Variants in ACVR2A observed in about 807,000 individuals in gnomAD.
ACVR2A encodes activin receptor type-2A.
Under a neutral mutation model 61.4 loss-of-function variants are expected in ACVR2A, and 7 were observed. The ratio of observed to expected loss-of-function variants is 0.11; its 90% CI spans 0.06 to 0.21. The LOEUF is 0.21. Among genes scored for constraint, ACVR2A ranks in the 10% least tolerant of loss-of-function variants. The pLI is 1.00. For synonymous variants in ACVR2A, 193 were observed against 208.3 expected (o/e 0.93, Z 0.63); for missense variants, 322 against 621.7 (o/e 0.52, Z 5.13).
At chr2:147,904,919 T>C (rs1292183369) in intron 4 of ACVR2A, among the ~76,000 whole-genome samples, 6 of 152,062 alleles carry the variant, frequency 3.9e-5, no homozygotes, top group Admixed American at 2.6e-4. Flanking sequence ...TTACAAAATA[T>C]TACATTCATA....
chr2:147,884,083 AT>A (rs1558802190), intron 1 of ACVR2A, among the ~76,000 whole-genome samples: 1 of 152,006 alleles, frequency 6.6e-6, no homozygotes, highest in African/African-American at 2.4e-5. Context: ...TGTTTCCTTA[AT>A]TTTTTTAGAA....
intron 9 of ACVR2A, among the ~76,000 whole-genome samples, chr2:147,924,800 G>C (rs1045818756): frequency 1.3e-5 from 2 of 151,842 alleles, no homozygotes; most frequent in African/African-American, 2.4e-5. Context: ...GACTCAGTAG[G>C]TCTGGGTTGA....
In ACVR2A at chr2:147,896,325, C is replaced by T. The variant is rs749005993; in HGVS notation, c.80C>T (p.Thr27Ile). ...GGTGCTATACTTGGTAGATCAGAAA[C>T]TCAGGAGTGTCTTTTCTTTAATGCT... Reference protein sequence around the residue: ...SSGAILGRSETQECLFFNANW... With the variant: ...SSGAILGRSEIQECLFFNANW... The change falls in exon 2 of 11, where the codon ACT (threonine) becomes ATT (isoleucine). Residue 27 changes from threonine to isoleucine, a missense_variant. Around this residue, in one of 3 missense-constraint regions of ACVR2A, gnomAD observed 142 missense variants for 200.3 expected, o/e 0.71. Transcript: ENST00000241416. The T allele has an allele frequency of 6.2e-7, 1 of 1,613,702 alleles. No homozygotes were observed. Among genetic ancestry groups the T allele is most frequent in the Non-Finnish European group, 8.5e-7 (1 of 1,179,798 alleles).
intron 1 of ACVR2A, among the ~76,000 whole-genome samples, chr2:147,862,674 A>G (rs957313141): frequency 4.6e-5 from 7 of 151,554 alleles, no homozygotes; most frequent in Middle Eastern, 6.8e-3. Context: ...AACCCATGAG[A>G]CGGATGTTGC....
At chr2:147,889,019 A>C (rs1322094153) in intron 1 of ACVR2A, among the ~76,000 whole-genome samples, 1 of 150,716 alleles carries the variant, frequency 6.6e-6, no homozygotes, top group African/African-American at 2.4e-5. Context: ...TTTATTGTGA[A>C]TAATATTCAA....
intron 1 of ACVR2A, among the ~76,000 whole-genome samples, chr2:147,855,505 G>T (rs115418286): frequency 0.034 from 5,157 of 152,306 alleles, 119 homozygotes; most frequent in Middle Eastern, 0.088. Flanking sequence ...CATACTGGAA[G>T]AGTGTAGGAG....
intron 8 of ACVR2A, 21 bp from the exon 9 acceptor site, chr2:147,922,952 T>C: frequency 6.3e-7 from 1 of 1,595,690 alleles, no homozygotes. Context: ...GAGTACTCTT[T>C]GCTTTTAACA....
At chr2:147,872,149 C>G (rs1686036101) in intron 1 of ACVR2A, among the ~76,000 whole-genome samples, 1 of 152,012 alleles carries the variant, frequency 6.6e-6, no homozygotes, top group South Asian at 2.1e-4. Context: ...TGATTGATAG[C>G]TCACTTCTTA....
At chr2:147,889,307 G>A (rs780894170) in intron 1 of ACVR2A, among the ~76,000 whole-genome samples, 20 of 152,066 alleles carry the variant, frequency 1.3e-4, no homozygotes, top group African/African-American at 1.9e-4. Flanking sequence ...AGATGATACT[G>A]GTCTCATAAA....
intron 1 of ACVR2A, among the ~76,000 whole-genome samples, chr2:147,887,717 G>A (rs1392817341): frequency 6.6e-6 from 1 of 152,120 alleles, no homozygotes; most frequent in Non-Finnish European, 1.5e-5. Flanking sequence ...CACATATGCA[G>A]TACTTATTTT....
rs1235394243 is a variant in ACVR2A, at chr2:147,845,358, C to G, written c.55+151C>G. 1.3e-5 allele frequency: 7 copies of G among 539,694 alleles called. No homozygotes were observed. In the South Asian group the frequency reaches 1.7e-4, roughly 13 times the overall value. The allele number at this position is 539,694 out of a possible 1,614,324, so 33.4% of individuals were successfully genotyped here. On this transcript the variant is annotated intron_variant, in intron 1 of 10. Transcript: ENST00000241416. ...CCCTCGGCTGCCACCGCCCCCCCCC[C>G]CCGCCCCCAGGTCTGATTGTGATCT...
rs544195697 is a variant in ACVR2A, at chr2:147,876,058, G to A, written c.56-20243G>A. On this transcript the variant is annotated intron_variant, in intron 1 of 10. Transcript: ENST00000241416. ...TGTTAAGAAAAAGTACTTACATTAAGAAAAACTATTGAGCTTTATTAGATA... is the reference window on the plus strand; with the variant it reads ...TGTTAAGAAAAAGTACTTACATTAAAAAAAACTATTGAGCTTTATTAGATA... 3.3e-5 allele frequency among the ~76,000 whole-genome samples: 5 copies of A among 152,188 alleles called. No homozygotes were observed. In the South Asian group the frequency reaches 1.0e-3, roughly 32 times the overall value.
At chr2:147,862,743 C>CAA (rs5835174) in intron 1 of ACVR2A, among the ~76,000 whole-genome samples, 68 of 142,636 alleles carry the variant, frequency 4.8e-4, no homozygotes, top group East Asian at 1.2e-3. Flanking sequence ...GACTCTGTCT[C>CAA]AAAAAAAAAA....
chr2:147,899,651 C>G, intron 3 of ACVR2A, 84 bp downstream of exon 3: 1 of 1,583,638 alleles, frequency 6.3e-7, no homozygotes. Context: ...TAATTTGCCC[C>G]TACCTCTTCC....
At chr2:147,848,292 A>G (rs1413082614) in intron 1 of ACVR2A, among the ~76,000 whole-genome samples, 1 of 152,044 alleles carries the variant, frequency 6.6e-6, no homozygotes, top group Non-Finnish European at 1.5e-5. Flanking sequence ...CCCTCCATTC[A>G]TTTTCTATTT....
At position 147,930,521 on chromosome 2, in the gene ACVR2A, C is replaced by CATTT. The variant is rs1687658123; in HGVS notation, c.*3249_*3252dup. ...TACAAGTAGCATCTTGATTGAACATCATTTACCTCAGATATTCAACCAGCA... is the reference window on the plus strand; with the variant it reads ...TACAAGTAGCATCTTGATTGAACATCATTTATTTACCTCAGATATTCAACCAGCA... On this transcript the variant is annotated 3_prime_UTR_variant, in exon 11 of 11. Coordinates refer to ENST00000241416, the MANE Select transcript of ACVR2A (RefSeq NM_001616.5). The CATTT allele has an allele frequency of 6.6e-6, 1 of 152,356 alleles. No homozygotes were observed. Among genetic ancestry groups the CATTT allele is most frequent in the South Asian group, 2.1e-4 (1 of 4,824 alleles). 9.4% of individuals were successfully genotyped at this position (152,356 alleles called of 1,614,324 possible). A position where few individuals can be genotyped will look rare whatever the true frequency, so the allele number is the denominator to read the frequency against.
chr2:147,863,105 G>A (rs1428349459), intron 1 of ACVR2A, among the ~76,000 whole-genome samples: 3 of 152,168 alleles, frequency 2.0e-5, no homozygotes, highest in African/African-American at 7.2e-5. Flanking sequence ...ACTTAGGTCT[G>A]TAAGGCTTAC....
At chr2:147,851,636 A>G (rs149419364) in intron 1 of ACVR2A, among the ~76,000 whole-genome samples, 1 of 152,186 alleles carries the variant, frequency 6.6e-6, no homozygotes, top group Non-Finnish European at 1.5e-5. Flanking sequence ...CTCTTTAGAA[A>G]CATTTTCTCT....
intron 9 of ACVR2A, among the ~76,000 whole-genome samples, chr2:147,923,917 CAA>C (rs1687443311): frequency 6.6e-6 from 1 of 151,924 alleles, no homozygotes; most frequent in Non-Finnish European, 1.5e-5. Context: ...ATGTTACTAA[CAA>C]TATTTTATTT....
Sources: allele counts gnomAD v4.1 joint callset (sites outside exome capture counted in the v4.1 genomes callset), GRCh38; gene constraint gnomAD v4.1.1; regional missense constraint gnomAD v4.1.1; transcripts MANE v1.5; gene names NCBI Gene and HGNC (gene_info 2026-07-23, HGNC 2026-07-21).